CACNA1E: variants seen among roughly 807,000 people sequenced by gnomAD.
CACNA1E encodes calcium voltage-gated channel subunit alpha1 E.
CACNA1E carries 40 observed loss-of-function variants against 259.2 expected under a neutral mutation model. The ratio of observed to expected loss-of-function variants is 0.15; its 90% CI spans 0.12 to 0.20. CACNA1E has a LOEUF of 0.20. CACNA1E is among the 10% of genes least tolerant of loss of function. The pLI is 1.00. For missense variants in CACNA1E, 1,874 were observed against 3,040.1 expected (o/e 0.62, Z 9.02); for synonymous variants, 1,104 against 1,138.5 (o/e 0.97, Z 0.61).
intron 7 of CACNA1E, among the ~76,000 whole-genome samples, chr1:181,674,632 C>T (rs1372382062): frequency 6.6e-6 from 1 of 152,154 alleles, no homozygotes. Context: ...CCCATGTTTT[C>T]TGGGCCAGTT....
At chr1:181,693,149 A>AC (rs1558273245) in intron 7 of CACNA1E, among the ~76,000 whole-genome samples, 1 of 128,762 alleles carries the variant, frequency 7.8e-6, no homozygotes, top group Non-Finnish European at 1.7e-5. Context: ...AAAAAAAAAA[A>AC]ACAACAGATG....
intron 6 of CACNA1E, among the ~76,000 whole-genome samples, chr1:181,599,084 C>G (rs955553178): frequency 6.6e-6 from 1 of 152,144 alleles, no homozygotes; most frequent in African/African-American, 2.4e-5. Flanking sequence ...CATCCACTAG[C>G]TATTCTTCCT....
In CACNA1E at chr1:181,483,671, T is replaced by A; in HGVS notation, c.-74T>A. On this transcript the variant is annotated 5_prime_UTR_variant, in exon 1 of 48. Transcript: ENST00000367573. ...ATGCGGCTCTGAGTCTCCGTGTGTC[T>A]TTCTGCTTGTTGCTGTGTGCGGGTG... 1 of 1,075,076 alleles carries A rather than the reference T, an allele frequency of 9.3e-7. No individual in the cohort carries two copies. The highest frequency in any genetic ancestry group is 1.3e-6 in the Non-Finnish European group (1 of 766,146). 66.6% of individuals were successfully genotyped at this position (1,075,076 alleles called of 1,614,324 possible).
chr1:181,429,383 G>A lies in CACNA1E; in HGVS notation c.434+15803G>A, dbSNP rs982735849. Among the ~76,000 whole-genome samples the A allele has an allele frequency of 4.6e-5, 7 of 152,190 alleles. No individual in the cohort carries two copies. In the East Asian group the frequency reaches 9.7e-4, roughly 21 times the overall value. Reference sequence around the variant, plus strand: ...CTCCCCAAGGGTGCTCCTCTGTTGCGGTGCCTGCCTCTCTGCCCAATCTCT... The same window carrying A: ...CTCCCCAAGGGTGCTCCTCTGTTGCAGTGCCTGCCTCTCTGCCCAATCTCT... On this transcript the variant is annotated intron_variant, in intron 2 of 11. Coordinates refer to the CACNA1E transcript ENST00000524607.
Position 181,752,282 on chromosome 1 carries a change from A to T in CACNA1E, c.3828+43A>T, listed in dbSNP as rs188477220. The T allele has an allele frequency of 3.6e-6, 5 of 1,390,328 alleles. No homozygotes were observed. In the Admixed American group the frequency reaches 8.4e-5, roughly 23 times the overall value. The allele number at this position is 1,390,328 out of a possible 1,614,324, so 86.1% of individuals were successfully genotyped here. Reference sequence around the variant, plus strand: ...TGTTCCCATCAAATCCCCTTCTCCCATCTTCTCTCTTTAGCCATGGCTGGC... The same window carrying T: ...TGTTCCCATCAAATCCCCTTCTCCCTTCTTCTCTCTTTAGCCATGGCTGGC... On this transcript the variant is annotated intron_variant, in intron 27 of 47. Transcript: ENST00000367573.
chr1:181,328,981 G>A (rs1488784219), intron 1 of CACNA1E, among the ~76,000 whole-genome samples: 3 of 152,166 alleles, frequency 2.0e-5, no homozygotes, highest in African/African-American at 7.2e-5. Context: ...GACCTCTATA[G>A]TCAATGGCTT....
At chr1:181,651,771 G>T in intron 7 of CACNA1E, 1 of 178,606 alleles carries the variant, frequency 5.6e-6, no homozygotes. Context: ...GGTTGTTAGG[G>T]AAATAAAATT....
chr1:181,640,721 A>G (rs1024251096), intron 6 of CACNA1E, among the ~76,000 whole-genome samples: 3 of 152,236 alleles, frequency 2.0e-5, no homozygotes, highest in African/African-American at 7.2e-5. Context: ...CTGTATGTCA[A>G]CAGAGATGAC....
intron 2 of CACNA1E, among the ~76,000 whole-genome samples, chr1:181,463,013 A>C (rs1661922790): frequency 6.6e-6 from 1 of 152,190 alleles, no homozygotes; most frequent in African/African-American, 2.4e-5. Flanking sequence ...AAGATACCTA[A>C]AAGTGGAATT....
intron 1 of CACNA1E, among the ~76,000 whole-genome samples, chr1:181,502,303 T>G (rs1238269584): frequency 6.6e-6 from 1 of 152,160 alleles, no homozygotes; most frequent in African/African-American, 2.4e-5. Context: ...ATTGATAAAT[T>G]TGGAAGGTTA....
chr1:181,737,496 G>T (rs1292138283), intron 22 of CACNA1E, 29 bp from the exon 23 acceptor site: 2 of 1,611,970 alleles, frequency 1.2e-6, no homozygotes, highest in Admixed American at 1.7e-5. Context: ...TGGGGAGTGG[G>T]CCAGCTCAGC....
At chr1:181,449,893 T>A (rs1022564955) in intron 2 of CACNA1E, among the ~76,000 whole-genome samples, 4 of 152,176 alleles carry the variant, frequency 2.6e-5, no homozygotes, top group African/African-American at 9.7e-5. Flanking sequence ...AAATATAAGG[T>A]ATTATAGGGG....
At chr1:181,329,776 A>C (rs1347802357) in intron 1 of CACNA1E, among the ~76,000 whole-genome samples, 2 of 152,096 alleles carry the variant, frequency 1.3e-5, no homozygotes, top group Non-Finnish European at 2.9e-5. Flanking sequence ...ATCCCAGTTC[A>C]TGTATGTATA....
chr1:181,796,364 C>T (rs1661805138), intron 46 of CACNA1E, among the ~76,000 whole-genome samples: 1 of 152,156 alleles, frequency 6.6e-6, no homozygotes, highest in South Asian at 2.1e-4. Flanking sequence ...ACCAGCAGAT[C>T]CCTGTCTTCT....
chr1:181,629,100 C>A (rs1656465641), intron 6 of CACNA1E, among the ~76,000 whole-genome samples: 1 of 152,084 alleles, frequency 6.6e-6, no homozygotes, highest in African/African-American at 2.4e-5. Context: ...GAGGGCTTCC[C>A]AGGGCAGGGG....
chr1:181,628,731 T>G (rs942496508), intron 6 of CACNA1E, among the ~76,000 whole-genome samples: 5 of 152,176 alleles, frequency 3.3e-5, no homozygotes, highest in African/African-American at 1.2e-4. Context: ...ACCAGGCATG[T>G]TCTTGAAATC....
chr1:181,610,323 C>G (rs1654637499), intron 6 of CACNA1E, among the ~76,000 whole-genome samples: 1 of 152,174 alleles, frequency 6.6e-6, no homozygotes, highest in Non-Finnish European at 1.5e-5. Context: ...TCTAAACATA[C>G]TAAGGTTGAG....
intron 34 of CACNA1E, among the ~76,000 whole-genome samples, chr1:181,765,695 G>T (rs1658958776): frequency 6.6e-6 from 1 of 152,204 alleles, no homozygotes; most frequent in South Asian, 2.1e-4. Context: ...AGCACTGTCT[G>T]CCAGGGAGCT....
intron 6 of CACNA1E, among the ~76,000 whole-genome samples, chr1:181,598,438 G>A (rs1558168765): frequency 6.6e-6 from 1 of 152,144 alleles, no homozygotes; most frequent in Non-Finnish European, 1.5e-5. Context: ...ATTTCACCAG[G>A]GGGAGAAGGA....
Sources: allele counts gnomAD v4.1 joint callset (sites outside exome capture counted in the v4.1 genomes callset), GRCh38; gene constraint gnomAD v4.1.1; transcripts MANE v1.5; gene names NCBI Gene and HGNC (gene_info 2026-07-23, HGNC 2026-07-21).